The following PDE4D variants were observed in gnomAD, a reference collection of about 807,000 sequenced individuals.
PDE4D encodes phosphodiesterase 4D.
In PDE4D, 24 loss-of-function variants were observed where a neutral mutation model predicts 87.4. The ratio of observed to expected loss-of-function variants is 0.27; its 90% CI spans 0.20 to 0.39. The LOEUF (loss-of-function observed/expected upper bound fraction) is 0.39, where lower values mean the gene tolerates loss of function less well. PDE4D is among the 10% of genes least tolerant of loss of function. The pLI is 1.00. For missense variants in PDE4D, 714 were observed against 1,041.0 expected (o/e 0.69, Z 4.32); for synonymous variants, 384 against 383.2 (o/e 1.00, Z -0.02).
chr5:59,402,644 T>A (rs1790873998), intron 1 of PDE4D, among the ~76,000 whole-genome samples: 1 of 152,178 alleles, frequency 6.6e-6, no homozygotes, highest in Non-Finnish European at 1.5e-5. Context: ...TATCCAGAAA[T>A]TTGGTTGCTT....
At chr5:59,845,980 T>C (rs1040648874) in intron 1 of PDE4D, among the ~76,000 whole-genome samples, 1 of 152,006 alleles carries the variant, frequency 6.6e-6, no homozygotes, top group Non-Finnish European at 1.5e-5. Flanking sequence ...TACATGCTAA[T>C]TGCGTCAAGC....
intron 1 of PDE4D, among the ~76,000 whole-genome samples, chr5:59,285,018 C>G (rs1344742845): frequency 1.0e-5 from 1 of 97,406 alleles, no homozygotes; most frequent in Non-Finnish European, 2.0e-5. Flanking sequence ...ACAATGAGAT[C>G]ACATGGACAC....
intron 2 of PDE4D, among the ~76,000 whole-genome samples, chr5:60,113,819 G>C (rs1417928141): frequency 6.6e-6 from 1 of 151,876 alleles, no homozygotes; most frequent in Non-Finnish European, 1.5e-5. Flanking sequence ...TAAACAACAA[G>C]AACAAAAAAA....
At chr5:59,999,828 C>G (rs1394027786) in intron 2 of PDE4D, among the ~76,000 whole-genome samples, 1 of 151,710 alleles carries the variant, frequency 6.6e-6, no homozygotes, top group Non-Finnish European at 1.5e-5. Context: ...AGAGCACAGA[C>G]AGAAAACTAA....
chr5:59,976,490 C>T (rs1761349120), intron 3 of PDE4D, among the ~76,000 whole-genome samples: 1 of 152,112 alleles, frequency 6.6e-6, no homozygotes, highest in Admixed American at 6.6e-5. Flanking sequence ...TGTCATCTGA[C>T]AAAGCTGCTC....
chr5:60,034,550 G>A (rs1332545018), intron 2 of PDE4D, among the ~76,000 whole-genome samples: 2 of 152,002 alleles, frequency 1.3e-5, no homozygotes, highest in Non-Finnish European at 2.9e-5. Context: ...GGCCTGCCTG[G>A]ATCATCAAGG....
At chr5:59,442,109 G>GTGGGAAA (rs1797715470) in intron 1 of PDE4D, among the ~76,000 whole-genome samples, 1 of 152,180 alleles carries the variant, frequency 6.6e-6, no homozygotes, top group Non-Finnish European at 1.5e-5. Flanking sequence ...TTTGTGTAAA[G>GTGGGAAA]TGGGAAATGC....
chr5:59,682,626 A>T (rs1281025896), intron 1 of PDE4D, among the ~76,000 whole-genome samples: 1 of 152,188 alleles, frequency 6.6e-6, no homozygotes. Flanking sequence ...GCCCTTATAA[A>T]AGAGACCCCA....
chr5:59,365,345 G>A lies in PDE4D; in HGVS notation c.456-149377C>T, dbSNP rs546620505. ...ATGGTGGTGCATGCCTGGGGTCCTA[G>A]CTACTTGGGAGGCCGAGGTGGGAGA... On this transcript the variant is annotated intron_variant, in intron 1 of 14. Coordinates refer to ENST00000340635, the MANE Select transcript of PDE4D (RefSeq NM_001104631.2). Among the ~76,000 whole-genome samples the A allele has an allele frequency of 3.9e-5, 6 of 152,128 alleles. No homozygotes were observed. In the South Asian group the frequency reaches 1.2e-3, roughly 32 times the overall value.
chr5:59,383,360 T>C (rs1786292099), intron 1 of PDE4D, among the ~76,000 whole-genome samples: 1 of 152,144 alleles, frequency 6.6e-6, no homozygotes, highest in South Asian at 2.1e-4. Flanking sequence ...TTGCATTCCC[T>C]GCCCATTTGC....
At chr5:60,286,874 C>G (rs1455064645) in intron 1 of PDE4D, among the ~76,000 whole-genome samples, 7 of 152,032 alleles carry the variant, frequency 4.6e-5, no homozygotes, top group African/African-American at 1.4e-4. Flanking sequence ...TTTTGTTTCC[C>G]CCTTAATGGA....
At chr5:59,210,149 T>C (rs1458395697) in intron 2 of PDE4D, among the ~76,000 whole-genome samples, 1 of 152,212 alleles carries the variant, frequency 6.6e-6, no homozygotes, top group African/African-American at 2.4e-5. Flanking sequence ...GCTTTTGAAA[T>C]GTTCATTAGT....
At chr5:60,364,875 C>T (rs1760389280) in intron 1 of PDE4D, among the ~76,000 whole-genome samples, 3 of 152,228 alleles carry the variant, frequency 2.0e-5, no homozygotes, top group Admixed American at 1.3e-4. Context: ...AAGTGTCCTT[C>T]CCATTCTTCT....
At chr5:59,041,897 A>G (rs2153396692) in intron 5 of PDE4D, among the ~76,000 whole-genome samples, 1 of 152,324 alleles carries the variant, frequency 6.6e-6, no homozygotes, top group Non-Finnish European at 1.5e-5. Context: ...CACTTTATAC[A>G]CAGGATTTGT....
intron 5 of PDE4D, among the ~76,000 whole-genome samples, chr5:59,090,484 A>C (rs985789019): frequency 2.0e-5 from 3 of 152,140 alleles, no homozygotes; most frequent in African/African-American, 7.2e-5. Context: ...GATGCTCTGA[A>C]GATTAGTGAG....
intron 1 of PDE4D, among the ~76,000 whole-genome samples, chr5:59,883,045 T>C (rs767761774): frequency 1.3e-5 from 2 of 152,144 alleles, no homozygotes; most frequent in Non-Finnish European, 2.9e-5. Flanking sequence ...TCCCAAAGTG[T>C]TGGGATTACA....
At chr5:60,083,056 G>A (rs968090474) in intron 2 of PDE4D, among the ~76,000 whole-genome samples, 1 of 152,068 alleles carries the variant, frequency 6.6e-6, no homozygotes, top group Non-Finnish European at 1.5e-5. Context: ...ATGTTCATTT[G>A]TAATTATATG....
chr5:60,290,850 A>G lies in PDE4D; in HGVS notation c.-89-105163T>C, dbSNP rs181839593. Among the ~76,000 whole-genome samples, 15 of 152,232 alleles carry G rather than the reference A, an allele frequency of 9.9e-5. No homozygotes were observed. In the East Asian group the frequency reaches 2.3e-3, roughly 23 times the overall value. On this transcript the variant is annotated intron_variant, in intron 1 of 16. Coordinates refer to the PDE4D transcript ENST00000502484. Reference sequence around the variant, plus strand: ...AACAAATAGGAGAGTATACAGACATAGATAAAGCAAAGGCATAATGATTTT... The same window carrying G: ...AACAAATAGGAGAGTATACAGACATGGATAAAGCAAAGGCATAATGATTTT...
At chr5:59,306,681 T>C (rs866327747) in intron 1 of PDE4D, among the ~76,000 whole-genome samples, 1 of 150,968 alleles carries the variant, frequency 6.6e-6, no homozygotes, top group Non-Finnish European at 1.5e-5. Context: ...CAAGGAGAAC[T>C]GCAAACCACT....
Sources: gnomAD v4.1 joint callset for allele counts (sites outside exome capture counted in the v4.1 genomes callset) on GRCh38, gnomAD v4.1.1 for gene constraint, MANE v1.5 for transcripts, NCBI Gene and HGNC (gene_info 2026-07-23, HGNC 2026-07-21) for gene names.